The following JARID2 variants were observed in gnomAD, a reference collection of about 807,000 sequenced individuals.
JARID2 encodes the protein jumonji and AT-rich interaction domain containing 2.
Under a neutral mutation model 125.6 loss-of-function variants are expected in JARID2, and 21 were observed. That is an observed-to-expected ratio of 0.17 (90% CI 0.12 to 0.24). JARID2 has a LOEUF of 0.24. Ranked by LOEUF, JARID2 falls within the 10% of genes least tolerant of loss-of-function variation. The probability of loss-of-function intolerance (pLI) is 1.00; values close to 1 mark genes in which losing one functional copy is unlikely to be tolerated. For synonymous variants in JARID2, 736 were observed against 661.6 expected (o/e 1.11, Z -1.73); for missense variants, 1,303 against 1,639.6 (o/e 0.79, Z 3.55).
chr6:15,376,568 T>G (rs1764363261), intron 2 of JARID2, among the ~76,000 whole-genome samples: 1 of 151,914 alleles, frequency 6.6e-6, no homozygotes, highest in African/African-American at 2.4e-5. Flanking sequence ...ATAGTAATAA[T>G]AATAAATTAG....
chr6:15,505,264 G>A (rs1273027342), intron 9 of JARID2: 3 of 152,082 alleles, frequency 2.0e-5, no homozygotes, highest in African/African-American at 7.2e-5. Flanking sequence ...CGGACTGCTG[G>A]TTCAGGGCAG....
rs1414027038 is a variant in JARID2, at chr6:15,433,408, C to CTGTGTGTG, written c.324-18597_324-18596insGTGTGTGT. 5.3e-3 allele frequency among the ~76,000 whole-genome samples: 500 copies of CTGTGTGTG among 93,506 alleles called. 3 individuals are homozygous for CTGTGTGTG. The highest frequency in any genetic ancestry group is 0.011 in the African/African-American group (234 of 20,462). The allele number at this position is 93,506 out of a possible 152,430, so 61.3% of individuals were successfully genotyped here. On this transcript the variant is annotated intron_variant, in intron 3 of 17. Coordinates refer to ENST00000341776, the MANE Select transcript of JARID2 (RefSeq NM_004973.4). ...TGCCTCCTCCCCAACCCCCATGTCTCTCTGTGTGTGTGTGTGTGTGTGTGT... is the reference window on the plus strand; with the variant it reads ...TGCCTCCTCCCCAACCCCCATGTCTCTGTGTGTGTCTGTGTGTGTGTGTGTGTGTGTGT...
intron 1 of JARID2, among the ~76,000 whole-genome samples, chr6:15,345,978 A>G (rs1441292113): frequency 6.6e-6 from 1 of 152,190 alleles, no homozygotes; most frequent in Non-Finnish European, 1.5e-5. Context: ...TGAAACATAC[A>G]TTCCGTAAGT....
chr6:15,484,701 G>A (rs1354190156), intron 5 of JARID2, among the ~76,000 whole-genome samples: 3 of 152,188 alleles, frequency 2.0e-5, no homozygotes, highest in African/African-American at 7.2e-5. Flanking sequence ...TGCAGATAAT[G>A]TTTTGAAGGG....
At chr6:15,330,525 C>G (rs745731189) in intron 1 of JARID2, among the ~76,000 whole-genome samples, 1 of 151,968 alleles carries the variant, frequency 6.6e-6, no homozygotes, top group South Asian at 2.1e-4. Flanking sequence ...ATTTTTTCTT[C>G]CAGTAGAAAT....
At chr6:15,461,957 G>C (rs536250740) in intron 4 of JARID2, among the ~76,000 whole-genome samples, 2 of 151,794 alleles carry the variant, frequency 1.3e-5, no homozygotes, top group East Asian at 1.9e-4. Flanking sequence ...AGGCACCTCC[G>C]TATTCAGTAA....
intron 17 of JARID2, among the ~76,000 whole-genome samples, chr6:15,518,310 G>A (rs1042435463): frequency 1.3e-5 from 2 of 152,240 alleles, no homozygotes; most frequent in Non-Finnish European, 2.9e-5. Context: ...GCCTGTTTCT[G>A]TAGTCGGATG....
chr6:15,252,570 T>G (rs997252011), intron 1 of JARID2, among the ~76,000 whole-genome samples: 1 of 152,206 alleles, frequency 6.6e-6, no homozygotes, highest in Non-Finnish European at 1.5e-5. Flanking sequence ...GCAGAAAGAT[T>G]AGTAATTTTG....
At chr6:15,280,489 C>T (rs957217597) in intron 1 of JARID2, among the ~76,000 whole-genome samples, 15 of 152,200 alleles carry the variant, frequency 9.9e-5, no homozygotes, top group African/African-American at 2.9e-4. Flanking sequence ...CAGCCTTTTA[C>T]ATTCTTTATG....
intron 4 of JARID2, among the ~76,000 whole-genome samples, chr6:15,452,754 T>G (rs1767978595): frequency 6.6e-6 from 1 of 152,018 alleles, no homozygotes; most frequent in Non-Finnish European, 1.5e-5. Context: ...CTGAATAGAG[T>G]TATTTGTGAA....
At chr6:15,479,719 G>T (rs1454143420) in intron 5 of JARID2, among the ~76,000 whole-genome samples, 2 of 152,204 alleles carry the variant, frequency 1.3e-5, no homozygotes, top group African/African-American at 4.8e-5. Context: ...ATCCCAGGTT[G>T]ACGTTTGTTC....
rs767502430 is a variant in JARID2 at position 15,497,186 on chromosome 6, G to C, written c.1945+16G>C. 35 of 1,523,836 alleles carry C rather than the reference G, an allele frequency of 2.3e-5. No individual in the cohort carries two copies. The highest frequency in any genetic ancestry group is 2.9e-5 in the Non-Finnish European group (33 of 1,129,928). 94.4% of individuals were successfully genotyped at this position (1,523,836 alleles called of 1,614,324 possible). On this transcript the variant is annotated intron_variant, in intron 7 of 17. Transcript: ENST00000341776. ...CCGCTCATAGGTAGGTCTGGGCGGG[G>C]GGTCAGGGGGTGGTGCCTGCCCTCC... is the stretch of plus-strand genomic sequence containing the variant.
intron 11 of JARID2, among the ~76,000 whole-genome samples, chr6:15,507,626 C>CA (rs1181142002): frequency 6.6e-6 from 1 of 152,188 alleles, no homozygotes; most frequent in Non-Finnish European, 1.5e-5. Context: ...AGGTGAACCG[C>CA]ATGGCAGAGT....
intron 1 of JARID2, among the ~76,000 whole-genome samples, chr6:15,271,866 G>C (rs1437184605): frequency 2.6e-5 from 4 of 152,200 alleles, no homozygotes; most frequent in Admixed American, 2.6e-4. Flanking sequence ...TGGGCGTGGT[G>C]GTGTGTGCCT....
chr6:15,376,977 G>C (rs968233108), intron 2 of JARID2, among the ~76,000 whole-genome samples: 44 of 152,302 alleles, frequency 2.9e-4, no homozygotes, highest in African/African-American at 9.1e-4. Context: ...GGACGTGTCT[G>C]TGTGTCTTTG....
intron 3 of JARID2, among the ~76,000 whole-genome samples, chr6:15,433,410 CTGTGTG>C (rs57296791): frequency 0.029 from 4,189 of 143,496 alleles, 74 homozygotes; most frequent in Middle Eastern, 0.052. Flanking sequence ...CCATGTCTCT[CTGTGTG>C]TGTGTGTGTG....
chr6:15,520,886 GCA>G lies in JARID2; in HGVS notation c.*638_*639del, dbSNP rs1283833564. 1 of 455,206 alleles carries G rather than the reference GCA, an allele frequency of 2.2e-6. No homozygotes were observed. Among genetic ancestry groups the G allele is most frequent in the African/African-American group, 2.0e-5 (1 of 49,966 alleles). 28.2% of individuals were successfully genotyped at this position (455,206 alleles called of 1,614,324 possible). On this transcript the variant is annotated 3_prime_UTR_variant, in exon 18 of 18. Transcript: ENST00000341776. ...ACGGGAGCGAGTGGGCTCTCCACCAGCACATCACTATGCATCTGTTCCAGGAA... is the reference window on the plus strand; with the variant it reads ...ACGGGAGCGAGTGGGCTCTCCACCAGCATCACTATGCATCTGTTCCAGGAA...
intron 6 of JARID2, among the ~76,000 whole-genome samples, chr6:15,493,008 A>G (rs1770229631): frequency 6.6e-6 from 1 of 152,208 alleles, no homozygotes; most frequent in African/African-American, 2.4e-5. Context: ...AGAAAGATGT[A>G]AACAAGGTGT....
chr6:15,513,252 C>T lies in JARID2; in HGVS notation c.3280C>T (p.Arg1094Trp), dbSNP rs749020539. 16 of 1,569,232 alleles carry T rather than the reference C, an allele frequency of 1.0e-5. No homozygotes were observed. Among genetic ancestry groups the T allele is most frequent in the African/African-American group, 1.3e-5 (1 of 74,310 alleles). ...LLDELRDTEL[R>W]QRRQLFEAGL... The stretch of plus-strand genomic sequence containing the variant: ...CGTGTCTGGCAGGGATACAGAGCTG[C>T]GGCAGCGCAGGCAGCTGTTCGAGGC... Residue 1094 changes from arginine to tryptophan, a missense_variant, in exon 16 of 18, where the codon CGG (arginine) becomes TGG (tryptophan). Coordinates refer to ENST00000341776, the MANE Select transcript of JARID2 (RefSeq NM_004973.4).
Sources: gnomAD v4.1 joint callset for allele counts (sites outside exome capture counted in the v4.1 genomes callset) on GRCh38, gnomAD v4.1.1 for gene constraint, MANE v1.5 for transcripts, NCBI Gene and HGNC (gene_info 2026-07-23, HGNC 2026-07-21) for gene names.